CCR10: variants seen among roughly 807,000 people sequenced by gnomAD.
CCR10 encodes the protein C-C chemokine receptor type 10.
In CCR10, 11 loss-of-function variants were observed where a neutral mutation model predicts 11.9. The ratio of observed to expected loss-of-function variants is 0.92; its 90% confidence interval spans 0.58 to 1.53. The LOEUF is 1.53. Ranked by LOEUF, CCR10 falls within the 40% of genes most tolerant of loss-of-function variation. The probability of loss-of-function intolerance (pLI) is 0.00; values close to 1 mark genes in which losing one functional copy is unlikely to be tolerated. For missense variants in CCR10, 428 were observed against 496.6 expected (o/e 0.86, Z 1.31); for synonymous variants, 224 against 245.4 (o/e 0.91, Z 0.81).
chr17:42,680,548 A>G lies in CCR10; in HGVS notation c.94T>C (p.Tyr32His). Residue 32 changes from tyrosine (Y) to histidine (H), a missense_variant, in exon 2 of 2, where the codon TAC becomes CAC. Coordinates refer to ENST00000332438, the MANE Select transcript of CCR10 (RefSeq NM_016602.3). ...CTGAAGGCCTGGACATCGGCCTTGT[A>G]GCAAAGCTCCGGCAGTGGCTCAGCC... ...YSAEPLPELC[Y>H]KADVQAFSRA... 18 of 1,610,134 alleles carry G rather than the reference A, an allele frequency of 1.1e-5. No homozygotes were observed. Among genetic ancestry groups the G allele is most frequent in the Non-Finnish European group, 1.5e-5 (18 of 1,178,306 alleles).
Position 42,680,594 on chromosome 17 carries a change from C to T in CCR10, c.48G>A (p.Gly16=), listed in dbSNP as rs770992008. 14 of 1,572,488 alleles carry T rather than the reference C, an allele frequency of 8.9e-6. No individual in the cohort carries two copies. The Middle Eastern group carries it at 6.8e-4, about 77-fold the overall frequency. The change falls in exon 2 of 2, where the codon GGG becomes GGA. Residue 16 remains glycine (G), a synonymous_variant. Transcript: ENST00000332438. ...TEQVSWGHYS[G]DEEDAYSAEP... ...CAGCCGAGTATGCGTCCTCTTCATCCCCAGAGTAATGGCCCCAGGAAACCT... is the reference window on the plus strand; with the variant it reads ...CAGCCGAGTATGCGTCCTCTTCATCTCCAGAGTAATGGCCCCAGGAAACCT...
Position 42,679,096 on chromosome 17 carries a change from A to C in CCR10, c.*457T>G. On this transcript the variant is annotated 3_prime_UTR_variant, in exon 2 of 2. Transcript: ENST00000332438. ...TATTTGCTAAGGCAGCCATTACTGGAGAGCGCTCTGGTTGTTAGAAAGCTC... is the reference window on the plus strand; with the variant it reads ...TATTTGCTAAGGCAGCCATTACTGGCGAGCGCTCTGGTTGTTAGAAAGCTC... 6.5e-6 allele frequency: 1 copy of C among 152,832 alleles called. No homozygotes were observed. Among genetic ancestry groups the C allele is most frequent in the Non-Finnish European group, 1.5e-5 (1 of 68,926 alleles). The allele number at this position is 152,832 out of a possible 1,614,324, so 9.5% of individuals were successfully genotyped here. A position where few individuals can be genotyped will look rare whatever the true frequency, so the allele number is the denominator to read the frequency against.
In CCR10 at chr17:42,680,185, A is replaced by AG. The variant is rs1203351358; in HGVS notation, c.456dup (p.Ser153LeufsTer216). 1 of 1,609,116 alleles carries AG rather than the reference A, an allele frequency of 6.2e-7. No individual in the cohort carries two copies. Among genetic ancestry groups the AG allele is most frequent in the Admixed American group, 1.7e-5 (1 of 59,572 alleles). ...ACCAAGTGTGCGCGGCCGGGAGTGG[A>AG]GGGCCGCGGCCCGGCTGGGAGCGCT... On this transcript the variant is annotated frameshift_variant, in exon 2 of 2. Transcript: ENST00000332438. LOFTEE classifies it high-confidence loss of function.
In CCR10 at chr17:42,681,814, C is replaced by T; in HGVS notation, c.10G>A (p.Glu4Lys). Residue 4 changes from glutamate to lysine, a missense_variant, in exon 1 of 2, where the codon GAG becomes AAG. Coordinates refer to ENST00000332438, the MANE Select transcript of CCR10 (RefSeq NM_016602.3). ...CCCACTCCCACCTGCTCTGTGGCCT[C>T]CGTCCCCATCTCTGGCTACACAGGT... MGT[E>K]ATEQVSWGHY... is the part of the protein sequence containing the mutation. The T allele has an allele frequency of 1.2e-6, 2 of 1,613,132 alleles. No homozygotes were observed. Among genetic ancestry groups the T allele is most frequent in the Middle Eastern group, 1.6e-4 (1 of 6,062 alleles).
Position 42,680,098 on chromosome 17 carries a change from C to A in CCR10, c.544G>T (p.Asp182Tyr), listed in dbSNP as rs764224857. 1 of 1,611,186 alleles carries A rather than the reference C, an allele frequency of 6.2e-7. No individual in the cohort carries two copies. Among genetic ancestry groups the A allele is most frequent in the Non-Finnish European group, 8.5e-7 (1 of 1,179,602 alleles). Residue 182 changes from aspartate (D) to tyrosine (Y), a missense_variant, in exon 2 of 2, where the codon GAT becomes TAT. Asp to Tyr is a radical substitution (Grantham distance 160). Transcript: ENST00000332438. ...LALPALLFSQDGQREGQRRCR... is the reference protein window; with the variant it reads ...LALPALLFSQYGQREGQRRCR... ...CGTCGTTGGCCTTCCCGCTGCCCAT[C>A]CTGGCTGAAGAGCAGCGCAGGCAGC...
rs1370254070 is a variant in CCR10 at position 42,679,818 on chromosome 17, AG to A, written c.823del (p.Leu275TrpfsTer20). ...LALLLDTADLLAARERSCPAS... is the reference protein window; with the variant it reads ...LALLLDTADLXAARERSCPAS... ...AGGGCAGCTCCGCTCGCGCGCAGCC[AG>A]TAGATCGGCAGTATCCAGCAGCAGG... On this transcript the variant is annotated frameshift_variant, in exon 2 of 2. Transcript: ENST00000332438. LOFTEE classifies it high-confidence loss of function. 3 of 1,605,978 alleles carry A rather than the reference AG, an allele frequency of 1.9e-6. No homozygotes were observed. The highest frequency in any genetic ancestry group is 2.5e-6 in the Non-Finnish European group (3 of 1,177,634).
At chr17:42,680,639 C>T (rs1047261332) in intron 1 of CCR10, 22 bp from the exon 2 acceptor site, 12 of 1,500,770 alleles carry the variant, frequency 8.0e-6, no homozygotes, top group African/African-American at 1.4e-5. Context: ...AAATGAGAGG[C>T]GGGATCTTAT....
chr17:42,680,689 C>A, intron 1 of CCR10, 72 bp from the exon 2 acceptor site: 1 of 1,100,728 alleles, frequency 9.1e-7, no homozygotes, highest in Non-Finnish European at 1.3e-6. Flanking sequence ...CCCACACTTG[C>A]CTTCCAAGCT....
chr17:42,681,411 G>A, intron 1 of CCR10: 1 of 298,092 alleles, frequency 3.4e-6, no homozygotes, highest in Non-Finnish European at 6.4e-6. Flanking sequence ...CCTCAGACCT[G>A]AGCCCTGGAC....
chr17:42,680,521 G>T lies in CCR10; in HGVS notation c.121C>A (p.Arg41=). 1 of 1,612,378 alleles carries T rather than the reference G, an allele frequency of 6.2e-7. No individual in the cohort carries two copies. The highest frequency in any genetic ancestry group is 8.5e-7 in the Non-Finnish European group (1 of 1,179,590). ...AGGGAGACACTGGGTTGGAAGGCCC[G>T]GCTGAAGGCCTGGACATCGGCCTTG... The part of the protein sequence containing the change: ...CYKADVQAFS[R]AFQPSVSLTV... The change falls in exon 2 of 2, where the codon CGG becomes AGG. Residue 41 remains arginine, a synonymous_variant. Coordinates refer to ENST00000332438, the MANE Select transcript of CCR10 (RefSeq NM_016602.3).
At position 42,680,086 on chromosome 17, in the gene CCR10, C is replaced by A; in HGVS notation, c.556G>T (p.Glu186Ter). Residue 186 changes from glutamate (E) to a stop codon, truncating the protein, a stop_gained, in exon 2 of 2, where the codon GAA (glutamate) becomes TAA (stop). Coordinates refer to ENST00000332438, the MANE Select transcript of CCR10 (RefSeq NM_016602.3). LOFTEE classifies it high-confidence loss of function. ...ALLFSQDGQREGQRRCRLIFP... is the reference protein window; with the variant it reads ...ALLFSQDGQR ...ATGAGGCGACAGCGTCGTTGGCCTT[C>A]CCGCTGCCCATCCTGGCTGAAGAGC... 1 of 1,609,396 alleles carries A rather than the reference C, an allele frequency of 6.2e-7. No individual in the cohort carries two copies. The highest frequency in any genetic ancestry group is 8.5e-7 in the Non-Finnish European group (1 of 1,179,174).
At position 42,679,251 on chromosome 17, in the gene CCR10, G is replaced by GC. The variant is rs1458663488; in HGVS notation, c.*301dup. On this transcript the variant is annotated 3_prime_UTR_variant, in exon 2 of 2. Transcript: ENST00000332438. ...GGCTAGAGCTTTAGCAGACTCAGCA[G>GC]CCCCCCACCCCCACCCAGGCCCTCA... 1.0e-5 allele frequency: 3 copies of GC among 298,588 alleles called. No individual in the cohort carries two copies. The highest frequency in any genetic ancestry group is 1.8e-5 in the Non-Finnish European group (3 of 162,988). The allele number at this position is 298,588 out of a possible 1,614,324, so 18.5% of individuals were successfully genotyped here. A position where few individuals can be genotyped will look rare whatever the true frequency, so the allele number is the denominator to read the frequency against.
Position 42,680,428 on chromosome 17 carries a change from C to T in CCR10, c.214G>A (p.Ala72Thr). 1 of 1,578,042 alleles carries T rather than the reference C, an allele frequency of 6.3e-7. No individual in the cohort carries two copies. Among genetic ancestry groups the T allele is most frequent in the Non-Finnish European group, 8.6e-7 (1 of 1,162,082 alleles). ...TGGGCAGAGGTGGGCGAGCGCGCTGCGCGTCGGGCTGCCAGGTGGGTGGCC... is the reference window on the plus strand; with the variant it reads ...TGGGCAGAGGTGGGCGAGCGCGCTGTGCGTCGGGCTGCCAGGTGGGTGGCC... ...VLATHLAARRAARSPTSAHLL... is the reference protein window; with the variant it reads ...VLATHLAARRTARSPTSAHLL... The change falls in exon 2 of 2, where the codon GCA becomes ACA. Residue 72 changes from alanine (A) to threonine (T), a missense_variant. Physicochemically the swap from Ala to Thr is moderately conservative, Grantham distance 58. Transcript: ENST00000332438.
rs542327069 is a variant in CCR10 at position 42,679,493 on chromosome 17, C to T, written c.*60G>A. ...AGGTCCCTGCCTCTTTCTCAGTGTTCCCCCACCTACTCCCCTTTCCCACGA... is the reference window on the plus strand; with the variant it reads ...AGGTCCCTGCCTCTTTCTCAGTGTTTCCCCACCTACTCCCCTTTCCCACGA... On this transcript the variant is annotated 3_prime_UTR_variant, in exon 2 of 2. Coordinates refer to ENST00000332438, the MANE Select transcript of CCR10 (RefSeq NM_016602.3). 4.1e-6 allele frequency: 5 copies of T among 1,223,362 alleles called. No homozygotes were observed. Among genetic ancestry groups the T allele is most frequent in the Non-Finnish European group, 3.3e-6 (3 of 902,804 alleles). The allele number at this position is 1,223,362 out of a possible 1,614,324, so 75.8% of individuals were successfully genotyped here.
In CCR10 at chr17:42,679,945, T is replaced by C; in HGVS notation, c.697A>G (p.Thr233Ala). 1.3e-6 allele frequency: 2 copies of C among 1,556,774 alleles called. No homozygotes were observed. Among genetic ancestry groups the C allele is most frequent in the South Asian group, 1.2e-5 (1 of 86,170 alleles). Residue 233 changes from threonine to alanine, a missense_variant, in exon 2 of 2, where the codon ACG becomes GCG. Transcript: ENST00000332438. ...MVACYALLGR[T>A]LLAARGPERR... ...TCGGGCCCCCTGGCGGCCAGCAGCG[T>C]GCGGCCCAGAAGCGCGTAGCAGGCT...
Position 42,681,813 on chromosome 17 carries a change from T to G in CCR10, c.11A>C (p.Glu4Ala). The change falls in exon 1 of 2, where the codon GAG (glutamate) becomes GCG (alanine). Residue 4 changes from glutamate (E) to alanine (A), a missense_variant. By Grantham distance (107) the Glu-to-Ala change is moderately radical. Coordinates refer to ENST00000332438, the MANE Select transcript of CCR10 (RefSeq NM_016602.3). MGT[E>A]ATEQVSWGHY... ...CCCCACTCCCACCTGCTCTGTGGCC[T>G]CCGTCCCCATCTCTGGCTACACAGG... is the stretch of plus-strand genomic sequence containing the variant. 2 of 1,612,798 alleles carry G rather than the reference T, an allele frequency of 1.2e-6. No homozygotes were observed. The highest frequency in any genetic ancestry group is 1.7e-6 in the Non-Finnish European group (2 of 1,178,960).
rs1371263118 is a variant in CCR10, at chr17:42,679,410, T to C, written c.*143A>G. ...CTCAAAAATAGTAACAGTTGTTGGGTTGCATCTCATTTCCATGTTATCAAT... is the reference window on the plus strand; with the variant it reads ...CTCAAAAATAGTAACAGTTGTTGGGCTGCATCTCATTTCCATGTTATCAAT... On this transcript the variant is annotated 3_prime_UTR_variant, in exon 2 of 2. Coordinates refer to ENST00000332438, the MANE Select transcript of CCR10 (RefSeq NM_016602.3). 4 of 536,252 alleles carry C rather than the reference T, an allele frequency of 7.5e-6. No individual in the cohort carries two copies. The highest frequency in any genetic ancestry group is 1.3e-5 in the Non-Finnish European group (4 of 315,306). 33.2% of individuals were successfully genotyped at this position (536,252 alleles called of 1,614,324 possible).
chr17:42,680,214 G>C lies in CCR10; in HGVS notation c.428C>G (p.Ala143Gly). ...CCGCGGCCCGGCTGGGAGCGCTCGC[G>C]CGATGGCCACGTAGCGGTCGGCGCT... is the stretch of plus-strand genomic sequence containing the variant. ...CISADRYVAI[A>G]RALPAGPRPS... is the part of the protein sequence containing the mutation. Residue 143 changes from alanine to glycine, a missense_variant, in exon 2 of 2, where the codon GCG (alanine) becomes GGG (glycine). Physicochemically the swap from Ala to Gly is moderately conservative, Grantham distance 60. Coordinates refer to ENST00000332438, the MANE Select transcript of CCR10 (RefSeq NM_016602.3). The C allele has an allele frequency of 1.2e-6, 2 of 1,601,374 alleles. No individual in the cohort carries two copies. Among genetic ancestry groups the C allele is most frequent in the Non-Finnish European group, 1.7e-6 (2 of 1,174,656 alleles).
chr17:42,681,770 C>T, intron 1 of CCR10, 30 bp downstream of exon 1: 1 of 1,521,668 alleles, frequency 6.6e-7, no homozygotes, highest in Non-Finnish European at 9.1e-7. Context: ...TCTCTGTAAC[C>T]CTTCTCCCCC....
Sources: allele counts gnomAD v4.1 joint callset, GRCh38; gene constraint gnomAD v4.1.1; transcripts MANE v1.5; gene names NCBI Gene and HGNC (gene_info 2026-07-23, HGNC 2026-07-21).